Variants in MIPEP observed in about 807,000 individuals in gnomAD.
The protein encoded by MIPEP is mitochondrial intermediate peptidase.
Under a neutral mutation model 90.3 loss-of-function variants are expected in MIPEP, and 79 were observed. The observed-to-expected ratio is 0.87, with a 90% CI of 0.73 to 1.05. MIPEP has a LOEUF of 1.05. Among genes scored for constraint, MIPEP ranks in the 50% least tolerant of loss-of-function variants. The pLI, the probability that MIPEP is intolerant of heterozygous loss-of-function variation, is 0.00. For missense variants in MIPEP, 940 were observed against 905.6 expected, an observed-to-expected ratio of 1.04 and a Z score of -0.49; for synonymous variants, 334 against 315.8, an observed-to-expected ratio of 1.06 and a Z score of -0.61.
chr13:23,834,236 G>A (rs1222087320), intron 14 of MIPEP, among the ~76,000 whole-genome samples: 7 of 152,156 alleles, frequency 4.6e-5, no homozygotes, highest in Admixed American at 1.3e-4. Flanking sequence ...TGACACCAGC[G>A]TGATTTTCTT....
chr13:23,730,403 G>A lies in MIPEP; in HGVS notation c.2087C>T (p.Ala696Val), dbSNP rs763733023. 2 of 1,612,658 alleles carry A rather than the reference G, an allele frequency of 1.2e-6. No homozygotes were observed. The highest frequency in any genetic ancestry group is 1.3e-5 in the African/African-American group (1 of 74,860). The change falls in exon 19 of 19, where the codon GCC becomes GTC. Residue 696 changes from alanine (A) to valine (V), a missense_variant. Transcript: ENST00000382172. Reference protein sequence around the residue: ...KCPSVDDFVSALVSDLDLDFE... With the variant: ...KCPSVDDFVSVLVSDLDLDFE... ...GTCCAGATCCAAGTCGGAAACGAGG[G>A]CACTTACGAAGTCATCAACAGAAGG...
chr13:23,834,847 C>CA (rs978897061), intron 14 of MIPEP, among the ~76,000 whole-genome samples: 9 of 151,644 alleles, frequency 5.9e-5, no homozygotes, highest in African/African-American at 2.2e-4. Flanking sequence ...ATTATGCTAT[C>CA]ACGTGGTAGG....
intron 16 of MIPEP, among the ~76,000 whole-genome samples, chr13:23,764,523 T>C (rs939512186): frequency 1.1e-4 from 17 of 152,220 alleles, no homozygotes; most frequent in African/African-American, 3.4e-4. Context: ...GTGCTAGATA[T>C]GGAATAACGG....
In MIPEP at chr13:23,870,061, C is replaced by A; in HGVS notation, c.738G>T (p.Gly246=). 6.2e-7 allele frequency: 1 copy of A among 1,612,002 alleles called. No individual in the cohort carries two copies. Residue 246 remains glycine, a synonymous_variant, in exon 6 of 19, where the codon GGG becomes GGT. Coordinates refer to ENST00000382172, the MANE Select transcript of MIPEP (RefSeq NM_005932.4). ...EHIRRNFTSA[G]DHIIIDGLHA... is the part of the protein sequence containing the mutation. The stretch of plus-strand genomic sequence containing the variant: ...GGAGACCATCAATTATGATATGATC[C>A]CCAGCAGATGTAAAGTTACGACGAA...
intron 16 of MIPEP, among the ~76,000 whole-genome samples, chr13:23,774,764 G>C (rs1469295844): frequency 6.9e-6 from 1 of 145,646 alleles, no homozygotes; most frequent in African/African-American, 2.5e-5. Flanking sequence ...ATGCAACCCT[G>C]CTGAACTGGT....
At position 23,859,631 on chromosome 13, in the gene MIPEP, C is replaced by A. The variant is rs113082727; in HGVS notation, c.1054-719G>T. Reference sequence around the variant, plus strand: ...TGATGACAGGGACTTTGTTTGCATCCTTCCCTATTACATTCCTGTCCCCTG... The same window carrying A: ...TGATGACAGGGACTTTGTTTGCATCATTCCCTATTACATTCCTGTCCCCTG... On this transcript the variant is annotated intron_variant, in intron 9 of 18. Coordinates refer to ENST00000382172, the MANE Select transcript of MIPEP (RefSeq NM_005932.4). 5.9e-5 allele frequency among the ~76,000 whole-genome samples: 9 copies of A among 152,166 alleles called. 1 individual carries two copies. The highest frequency in any genetic ancestry group is 1.7e-4 in the African/African-American group (7 of 41,440).
intron 14 of MIPEP, among the ~76,000 whole-genome samples, chr13:23,818,255 T>TAAA (rs79782871): frequency 1.4e-5 from 2 of 145,776 alleles, no homozygotes; most frequent in African/African-American, 5.0e-5. Context: ...TGTATCTACT[T>TAAA]AAAAAAAAAA....
chr13:23,888,712 A>ACT, intron 1 of MIPEP: 1 of 1,003,560 alleles, frequency 1.0e-6, no homozygotes. Flanking sequence ...GTCCTTGCAA[A>ACT]AAGACCATGT....
chr13:23,886,564 AT>A, intron 1 of MIPEP, 58 bp from the exon 2 acceptor site: 1 of 1,363,634 alleles, frequency 7.3e-7, no homozygotes, highest in African/African-American at 1.5e-5. Context: ...TGCTTTTTTT[AT>A]ATTTACTAAA....
At chr13:23,740,319 C>T (rs1952312963) in intron 18 of MIPEP, among the ~76,000 whole-genome samples, 1 of 152,046 alleles carries the variant, frequency 6.6e-6, no homozygotes, top group South Asian at 2.1e-4. Flanking sequence ...CTGGCTGGAG[C>T]TGAGCCATCC....
intron 2 of MIPEP, among the ~76,000 whole-genome samples, chr13:23,884,771 T>C (rs189244588): frequency 5.3e-5 from 8 of 152,364 alleles, no homozygotes; most frequent in Admixed American, 5.2e-4. Context: ...CATTCCTGCA[T>C]GTATCCCTCA....
rs545490790 is a variant in MIPEP, at chr13:23,799,252, C to T, written c.1848+6698G>A. Among the ~76,000 whole-genome samples, 50 of 151,892 alleles carry T rather than the reference C, an allele frequency of 3.3e-4. No individual in the cohort carries two copies. In the South Asian group the frequency reaches 4.8e-3, roughly 15 times the overall value. ...TTCGAACTCCTAAGCTCAGGCAATC[C>T]GCCCACCTCGGCCTCCCAAAGTGCT... On this transcript the variant is annotated intron_variant, in intron 16 of 18. Coordinates refer to ENST00000382172, the MANE Select transcript of MIPEP (RefSeq NM_005932.4).
At chr13:23,750,727 T>C (rs1297884357) in intron 18 of MIPEP, among the ~76,000 whole-genome samples, 1 of 152,238 alleles carries the variant, frequency 6.6e-6, no homozygotes. Flanking sequence ...ATAAATTACT[T>C]GGAACTCTTC....
chr13:23,863,910 G>A (rs1228360061), intron 8 of MIPEP, among the ~76,000 whole-genome samples: 2 of 152,152 alleles, frequency 1.3e-5, no homozygotes, highest in Non-Finnish European at 2.9e-5. Context: ...AATGAAAGAT[G>A]AATTTCTAAA....
chr13:23,785,543 G>A (rs1952828958), intron 16 of MIPEP, among the ~76,000 whole-genome samples: 1 of 150,948 alleles, frequency 6.6e-6, no homozygotes, highest in Non-Finnish European at 1.5e-5. Flanking sequence ...GTTAATGGGT[G>A]CAGCACACCA....
rs373589601 is a variant in MIPEP, at chr13:23,814,410, C to T, written c.1654-4486G>A. ...TAGAGTAGCTGGGACTACAGGCGCC[C>T]GCCACCACGCCTGGCTAATTTTTTG... On this transcript the variant is annotated intron_variant, in intron 14 of 18. Transcript: ENST00000382172. 6.8e-3 allele frequency among the ~76,000 whole-genome samples: 1,033 copies of T among 152,158 alleles called. 16 individuals carry two copies. The highest frequency in any genetic ancestry group is 0.023 in the African/African-American group (966 of 41,508).
At chr13:23,732,786 G>C (rs1031973565) in intron 18 of MIPEP, among the ~76,000 whole-genome samples, 1 of 152,180 alleles carries the variant, frequency 6.6e-6, no homozygotes, top group African/African-American at 2.4e-5. Flanking sequence ...AACTGAGAAG[G>C]GGCAGGAGGG....
intron 2 of MIPEP, among the ~76,000 whole-genome samples, chr13:23,884,416 C>T (rs563933788): frequency 4.6e-5 from 7 of 152,230 alleles, no homozygotes; most frequent in African/African-American, 1.7e-4. Context: ...GGCTAACAAA[C>T]TTTGCAACCT....
At chr13:23,824,926 G>A (rs1286687577) in intron 14 of MIPEP, among the ~76,000 whole-genome samples, 1 of 152,120 alleles carries the variant, frequency 6.6e-6, no homozygotes, top group Non-Finnish European at 1.5e-5. Context: ...GTTTTGCAGG[G>A]TTCAACACTA....
Sources: gnomAD v4.1 joint callset for allele counts (sites outside exome capture counted in the v4.1 genomes callset) on GRCh38, gnomAD v4.1.1 for gene constraint, MANE v1.5 for transcripts, NCBI Gene and HGNC (gene_info 2026-07-23, HGNC 2026-07-21) for gene names.